ANO4: variants seen among roughly 807,000 people sequenced by gnomAD.
ANO4 encodes anoctamin 4.
ANO4 carries 69 observed loss-of-function variants against 141.9 expected under a neutral mutation model. That is an observed-to-expected ratio of 0.49 (90% CI 0.40 to 0.59). The LOEUF (loss-of-function observed/expected upper bound fraction) is 0.59, where lower values mean the gene tolerates loss of function less well. Ranked by LOEUF, ANO4 falls within the 20% of genes least tolerant of loss-of-function variation. ANO4 has a pLI of 0.00. For missense variants in ANO4, 894 were observed against 1,162.2 expected (o/e 0.77, Z 3.36); for synonymous variants, 350 against 394.3 (o/e 0.89, Z 1.33).
intron 17 of ANO4, among the ~76,000 whole-genome samples, chr12:101,091,110 A>T (rs2049751915): frequency 1.3e-5 from 2 of 152,176 alleles, no homozygotes; most frequent in Non-Finnish European, 2.9e-5. Context: ...ATTCTTAGGG[A>T]TGCCCTTGTG....
At chr12:100,838,493 A>G (rs2037067098) in intron 1 of ANO4, among the ~76,000 whole-genome samples, 1 of 152,170 alleles carries the variant, frequency 6.6e-6, no homozygotes, top group Non-Finnish European at 1.5e-5. Context: ...AGGGCCTGGA[A>G]AAGTCAGAAA....
chr12:101,025,146 T>G (rs2046680772), intron 9 of ANO4, among the ~76,000 whole-genome samples: 1 of 152,282 alleles, frequency 6.6e-6, no homozygotes, highest in Non-Finnish European at 1.5e-5. Flanking sequence ...AGGCACAAGA[T>G]TTACTCTCCC....
At chr12:100,807,614 T>C (rs12369293) in intron 1 of ANO4, among the ~76,000 whole-genome samples, 17,599 of 152,150 alleles carry the variant, frequency 0.12, 1,394 homozygotes, top group East Asian at 0.38. Context: ...GTTTGTTGCA[T>C]AGGTAAACGT....
Position 100,806,557 on chromosome 12 carries a change from T to G in ANO4, c.-141+11530T>G, listed in dbSNP as rs1471854692. 1.2e-4 allele frequency among the ~76,000 whole-genome samples: 10 copies of G among 86,176 alleles called. 1 individual carries two copies. Among genetic ancestry groups the G allele is most frequent in the Non-Finnish European group, 1.7e-4 (8 of 45,940 alleles). The allele number at this position is 86,176 out of a possible 152,430, so 56.5% of individuals were successfully genotyped here. A position where few individuals can be genotyped will look rare whatever the true frequency, so the allele number is the denominator to read the frequency against. On this transcript the variant is annotated intron_variant, in intron 1 of 27. Transcript: ENST00000392977. Reference sequence around the variant, plus strand: ...TTTTTTTTTTTTTTTTTTTTTTTTTTTTTGTGAGACAGAGTCTCGCTCTGT... The same window carrying G: ...TTTTTTTTTTTTTTTTTTTTTTTTTGTTTGTGAGACAGAGTCTCGCTCTGT...
chr12:100,776,079 T>G (rs2033492120), intron 3 of ANO4, among the ~76,000 whole-genome samples: 1 of 152,224 alleles, frequency 6.6e-6, no homozygotes, highest in South Asian at 2.1e-4. Context: ...AATTTGTTTC[T>G]TTAATCCTCA....
At chr12:100,939,495 C>T in intron 4 of ANO4, 44 bp downstream of exon 4, 2 of 1,600,494 alleles carry the variant, frequency 1.2e-6, no homozygotes, top group East Asian at 2.2e-5. Context: ...GTGATCCAGG[C>T]AGGAACCTGT....
intron 3 of ANO4, among the ~76,000 whole-genome samples, chr12:100,930,048 G>C (rs546391158): frequency 6.6e-6 from 1 of 152,124 alleles, no homozygotes; most frequent in Non-Finnish European, 1.5e-5. Context: ...TTCCTCTAGA[G>C]TTGTTTGAGC....
intron 3 of ANO4, chr12:100,740,189 T>G (rs2031802609): frequency 4.4e-6 from 3 of 674,820 alleles, no homozygotes; most frequent in Non-Finnish European, 8.2e-6. Context: ...TAAATTGCAT[T>G]TGTATTTCTG....
intron 3 of ANO4, among the ~76,000 whole-genome samples, chr12:100,929,612 C>T (rs1336830805): frequency 6.6e-6 from 1 of 152,052 alleles, no homozygotes; most frequent in South Asian, 2.1e-4. Flanking sequence ...AATTTCCTTT[C>T]TTTGGGGTAT....
intron 14 of ANO4, chr12:101,066,741 C>T: frequency 1.2e-6 from 1 of 856,224 alleles, no homozygotes; most frequent in Non-Finnish European, 2.0e-6. Flanking sequence ...GCCATGGCCA[C>T]AGTTCCTGAG....
chr12:100,906,673 C>A (rs1488104947), intron 2 of ANO4, among the ~76,000 whole-genome samples: 1 of 151,974 alleles, frequency 6.6e-6, no homozygotes, highest in Non-Finnish European at 1.5e-5. Flanking sequence ...ATTAACTTTA[C>A]TGAGAAATAA....
intron 8 of ANO4, among the ~76,000 whole-genome samples, chr12:101,004,315 G>A (rs945255481): frequency 1.3e-5 from 2 of 152,018 alleles, no homozygotes; most frequent in African/African-American, 4.8e-5. Flanking sequence ...GCTGAGCCTC[G>A]GACTCCTGGG....
intron 1 of ANO4, among the ~76,000 whole-genome samples, chr12:100,876,651 T>A (rs1034807659): frequency 2.0e-5 from 3 of 152,154 alleles, no homozygotes; most frequent in African/African-American, 4.8e-5. Flanking sequence ...AGAATAGTCA[T>A]GTGATTCCAT....
chr12:101,061,622 T>G (rs2048351237), intron 14 of ANO4, among the ~76,000 whole-genome samples: 1 of 151,924 alleles, frequency 6.6e-6, no homozygotes, highest in Non-Finnish European at 1.5e-5. Context: ...ACACTTTATT[T>G]CATTAAGTTG....
At chr12:100,861,154 A>G (rs1593546780) in intron 1 of ANO4, among the ~76,000 whole-genome samples, 2 of 152,284 alleles carry the variant, frequency 1.3e-5, no homozygotes, top group African/African-American at 4.8e-5. Context: ...TTTACAGAGC[A>G]TTGATTGGCC....
intron 1 of ANO4, among the ~76,000 whole-genome samples, chr12:100,819,025 A>G (rs1477078990): frequency 7.6e-6 from 1 of 132,386 alleles, no homozygotes; most frequent in East Asian, 2.1e-4. Flanking sequence ...GTATATATAT[A>G]TGTATGTGTG....
intron 7 of ANO4, among the ~76,000 whole-genome samples, chr12:100,982,195 G>A (rs1352544807): frequency 2.0e-5 from 3 of 152,210 alleles, no homozygotes; most frequent in African/African-American, 7.2e-5. Flanking sequence ...ATTTGCCTGT[G>A]TAGTGTGTAA....
In ANO4 at chr12:101,052,084, C is replaced by T. The variant is rs544188801; in HGVS notation, c.1312+3683C>T. ...AAGACTTCTGAAGGGCTGGGCTTGA[C>T]GTGTTCATTTTGTTACCTTTGCTTT... On this transcript the variant is annotated intron_variant, in intron 14 of 27. Coordinates refer to ENST00000392977, the MANE Select transcript of ANO4 (RefSeq NM_001286615.2). Among the ~76,000 whole-genome samples the T allele has an allele frequency of 1.2e-4, 19 of 152,180 alleles. No individual in the cohort carries two copies. The South Asian group carries it at 3.5e-3, about 28-fold the overall frequency.
intron 1 of ANO4, among the ~76,000 whole-genome samples, chr12:100,725,568 A>G (rs1038679709): frequency 9.9e-5 from 15 of 151,752 alleles, no homozygotes; most frequent in Non-Finnish European, 1.9e-4. Context: ...GGATGGTCTC[A>G]ATCTCCTGAC....
Sources: gnomAD v4.1 joint callset for allele counts (sites outside exome capture counted in the v4.1 genomes callset) on GRCh38, gnomAD v4.1.1 for gene constraint, MANE v1.5 for transcripts, NCBI Gene and HGNC (gene_info 2026-07-23, HGNC 2026-07-21) for gene names.